The following ZMAT4 variants were observed in gnomAD, a reference collection of about 807,000 sequenced individuals.
ZMAT4 encodes zinc finger matrin-type protein 4.
ZMAT4 carries 17 observed loss-of-function variants against 28.7 expected under a neutral mutation model. The ratio of observed to expected loss-of-function variants is 0.59; its 90% CI spans 0.41 to 0.89. The LOEUF (loss-of-function observed/expected upper bound fraction) is 0.89, where lower values mean the gene tolerates loss of function less well. Among genes scored for constraint, ZMAT4 ranks in the 40% least tolerant of loss-of-function variants. The probability of loss-of-function intolerance (pLI) is 0.00; values close to 1 mark genes in which losing one functional copy is unlikely to be tolerated. For synonymous variants in ZMAT4, 117 were observed against 109.2 expected (o/e 1.07, Z -0.44); for missense variants, 240 against 283.8 (o/e 0.85, Z 1.11).
chr8:40,691,482 A>C (rs556177527), intron 4 of ZMAT4, among the ~76,000 whole-genome samples: 1 of 152,110 alleles, frequency 6.6e-6, no homozygotes, highest in South Asian at 2.1e-4. Flanking sequence ...ACCGTGTTCA[A>C]CCTCAGCTGG....
intron 5 of ZMAT4, among the ~76,000 whole-genome samples, chr8:40,591,337 A>G (rs567036032): frequency 6.6e-6 from 1 of 152,342 alleles, no homozygotes; most frequent in East Asian, 1.9e-4. Context: ...GGGCAAGGCC[A>G]AGCCCATAGG....
At chr8:40,709,765 G>T (rs1188864765) in intron 3 of ZMAT4, among the ~76,000 whole-genome samples, 1 of 152,118 alleles carries the variant, frequency 6.6e-6, no homozygotes, top group South Asian at 2.1e-4. Context: ...TGAGCCGGGC[G>T]TGGTGGCTCA....
At chr8:40,762,215 C>A (rs1287166838) in intron 3 of ZMAT4, among the ~76,000 whole-genome samples, 1 of 152,216 alleles carries the variant, frequency 6.6e-6, no homozygotes, top group Non-Finnish European at 1.5e-5. Context: ...CCTCCAAATT[C>A]ATATCAACCT....
chr8:40,699,196 C>T (rs185752214), intron 3 of ZMAT4, among the ~76,000 whole-genome samples: 89 of 152,142 alleles, frequency 5.8e-4, no homozygotes, highest in African/African-American at 2.1e-3. Context: ...AGAGGCAAAT[C>T]AGGGAGTTCC....
At chr8:40,893,360 T>C (rs754513362) in intron 1 of ZMAT4, among the ~76,000 whole-genome samples, 4 of 152,204 alleles carry the variant, frequency 2.6e-5, no homozygotes, top group Non-Finnish European at 4.4e-5. Flanking sequence ...GAAAGGAGCC[T>C]GTGAGAACGT....
chr8:40,740,187 A>G (rs535953545), intron 3 of ZMAT4, among the ~76,000 whole-genome samples: 1 of 152,228 alleles, frequency 6.6e-6, no homozygotes, highest in Admixed American at 6.5e-5. Context: ...GTCAAATGGT[A>G]TTTCTGGTAT....
chr8:40,688,107 A>T (rs530507700), intron 4 of ZMAT4, among the ~76,000 whole-genome samples: 1 of 152,250 alleles, frequency 6.6e-6, no homozygotes, highest in African/African-American at 2.4e-5. Context: ...CAAAAACTTC[A>T]TTGCTTAGTC....
intron 5 of ZMAT4, among the ~76,000 whole-genome samples, chr8:40,623,272 T>C (rs1226681426): frequency 1.3e-5 from 2 of 152,162 alleles, no homozygotes; most frequent in East Asian, 1.9e-4. Flanking sequence ...TGGCAGGCAC[T>C]AGGATGATGT....
intron 1 of ZMAT4, among the ~76,000 whole-genome samples, chr8:40,885,548 C>T (rs534195400): frequency 9.1e-4 from 139 of 152,250 alleles, no homozygotes; most frequent in African/African-American, 3.2e-3. Context: ...TATTTTAAGA[C>T]GAGTCTTGCT....
At chr8:40,601,503 A>AAGAAAGAG (rs1422404911) in intron 5 of ZMAT4, among the ~76,000 whole-genome samples, 1 of 127,228 alleles carries the variant, frequency 7.9e-6, no homozygotes, top group Non-Finnish European at 1.7e-5. Flanking sequence ...GAGAGAAAGA[A>AAGAAAGAG]AGAAAGAGAA....
chr8:40,677,148 C>T (rs1023073671), intron 4 of ZMAT4, among the ~76,000 whole-genome samples: 64 of 152,232 alleles, frequency 4.2e-4, no homozygotes, highest in African/African-American at 1.4e-3. Context: ...CAACTGATAC[C>T]TTCTACACCA....
chr8:40,550,960 A>T (rs16889563), intron 6 of ZMAT4, among the ~76,000 whole-genome samples: 12,785 of 152,268 alleles, frequency 0.084, 816 homozygotes, highest in East Asian at 0.3. Context: ...CTTTAACTAT[A>T]TAACAGAACC....
intron 5 of ZMAT4, among the ~76,000 whole-genome samples, chr8:40,663,105 A>G (rs1378625586): frequency 2.0e-5 from 3 of 152,108 alleles, no homozygotes; most frequent in Non-Finnish European, 4.4e-5. Context: ...GCCATTTACA[A>G]TTTGGTTCCA....
chr8:40,872,468 A>T (rs141195226), intron 1 of ZMAT4, among the ~76,000 whole-genome samples: 2 of 152,154 alleles, frequency 1.3e-5, no homozygotes, highest in African/African-American at 4.8e-5. Context: ...AGAGTAAACA[A>T]GCTGGGAAAT....
intron 1 of ZMAT4, among the ~76,000 whole-genome samples, chr8:40,874,955 G>A (rs1368006999): frequency 6.6e-6 from 1 of 152,164 alleles, no homozygotes; most frequent in Non-Finnish European, 1.5e-5. Flanking sequence ...TGTAGCACAT[G>A]GCGCACTCCA....
chr8:40,858,937 A>G lies in ZMAT4; in HGVS notation c.-4-33257T>C, dbSNP rs1397603319. The stretch of plus-strand genomic sequence containing the variant: ...CCATGTTTACGATCCATGGTGAAGC[A>G]TGTCCTGTCATCCTCTCAACATTAG... On this transcript the variant is annotated intron_variant, in intron 1 of 6. Coordinates refer to ENST00000297737, the MANE Select transcript of ZMAT4 (RefSeq NM_024645.3). 3.3e-5 allele frequency among the ~76,000 whole-genome samples: 5 copies of G among 152,226 alleles called. No individual in the cohort carries two copies. The East Asian group carries it at 7.7e-4, about 23-fold the overall frequency.
chr8:40,709,760 C>T (rs571408733), intron 3 of ZMAT4, among the ~76,000 whole-genome samples: 5 of 152,158 alleles, frequency 3.3e-5, no homozygotes, highest in Admixed American at 6.6e-5. Context: ...GTAGTTGAGC[C>T]GGGCGTGGTG....
intron 1 of ZMAT4, among the ~76,000 whole-genome samples, chr8:40,856,686 G>A (rs1563530446): frequency 1.3e-5 from 2 of 152,332 alleles, no homozygotes; most frequent in South Asian, 2.1e-4. Flanking sequence ...TTCCCCAGGT[G>A]ACATTGGGAG....
intron 5 of ZMAT4, among the ~76,000 whole-genome samples, chr8:40,617,910 C>A (rs1806068615): frequency 6.6e-6 from 1 of 152,196 alleles, no homozygotes; most frequent in African/African-American, 2.4e-5. Context: ...AAAATTTCCT[C>A]CCACAGATAG....
Sources: gnomAD v4.1 joint callset for allele counts (sites outside exome capture counted in the v4.1 genomes callset) on GRCh38, gnomAD v4.1.1 for gene constraint, MANE v1.5 for transcripts, NCBI Gene and HGNC (gene_info 2026-07-23, HGNC 2026-07-21) for gene names.